CCSER1: variants seen among roughly 807,000 people sequenced by gnomAD.
The protein encoded by CCSER1 is serine-rich coiled-coil domain-containing protein 1.
CCSER1 carries 41 observed loss-of-function variants against 82.0 expected under a neutral mutation model. That is an observed-to-expected ratio of 0.50 (90% confidence interval 0.39 to 0.65). The LOEUF (loss-of-function observed/expected upper bound fraction) is 0.65, where lower values mean the gene tolerates loss of function less well. Ranked by LOEUF, CCSER1 falls within the 30% of genes least tolerant of loss-of-function variation. The probability of loss-of-function intolerance (pLI) is 0.00; values close to 1 mark genes in which losing one functional copy is unlikely to be tolerated. For missense variants in CCSER1, 1,119 were observed against 1,064.2 expected, an observed-to-expected ratio of 1.05 and a Z score of -0.72; for synonymous variants, 414 against 383.9, an observed-to-expected ratio of 1.08 and a Z score of -0.92.
At chr4:91,473,906 A>G (rs1757419813) in intron 10 of CCSER1, among the ~76,000 whole-genome samples, 1 of 152,042 alleles carries the variant, frequency 6.6e-6, no homozygotes, top group Admixed American at 6.6e-5. Context: ...TTTCTTTGTT[A>G]ACCTCAAAGA....
rs1734694609 is a variant in CCSER1, at chr4:91,187,871, TA to T, written c.2217+101881del. On this transcript the variant is annotated intron_variant, in intron 10 of 10. Transcript: ENST00000509176. ...CCCAGCTGAAATTTGGTTATTTTTA[TA>T]AAATTAAAATGAAATTTATCCAAGT... 3.3e-5 allele frequency among the ~76,000 whole-genome samples: 5 copies of T among 152,284 alleles called. No homozygotes were observed. In the South Asian group the frequency reaches 1.0e-3, roughly 32 times the overall value.
intron 10 of CCSER1, among the ~76,000 whole-genome samples, chr4:91,576,704 C>T (rs1476954084): frequency 1.3e-5 from 2 of 151,892 alleles, no homozygotes; most frequent in Non-Finnish European, 2.9e-5. Flanking sequence ...TTTTTATACA[C>T]TTTATACACA....
intron 10 of CCSER1, among the ~76,000 whole-genome samples, chr4:91,587,147 G>A (rs997950148): frequency 9.9e-5 from 15 of 151,660 alleles, no homozygotes; most frequent in Non-Finnish European, 1.3e-4. Context: ...CTATAGAGTT[G>A]ATTTCTTAGA....
At chr4:90,907,854 C>G (rs72665418) in intron 8 of CCSER1, among the ~76,000 whole-genome samples, 35,285 of 151,860 alleles carry the variant, frequency 0.23, 4,828 homozygotes, top group Non-Finnish European at 0.31. Context: ...ATATATGATA[C>G]AAATGCCAGA....
chr4:91,373,709 T>C (rs1331915266), intron 10 of CCSER1, among the ~76,000 whole-genome samples: 1 of 152,174 alleles, frequency 6.6e-6, no homozygotes, highest in Non-Finnish European at 1.5e-5. Flanking sequence ...GTCACAGGTC[T>C]CTCACTTTCA....
At chr4:90,452,757 G>A (rs552665917) in intron 4 of CCSER1, among the ~76,000 whole-genome samples, 5 of 152,296 alleles carry the variant, frequency 3.3e-5, no homozygotes, top group East Asian at 1.9e-4. Flanking sequence ...GTATTTCACC[G>A]TGCCATGTAT....
chr4:90,155,215 T>A (rs1005511437), intron 1 of CCSER1, among the ~76,000 whole-genome samples: 14 of 152,316 alleles, frequency 9.2e-5, no homozygotes, highest in African/African-American at 3.4e-4. Context: ...CATCCTTGCA[T>A]CCCAGGGATG....
rs114112929 is a variant in CCSER1, at chr4:91,061,919, G to A, written c.2173-24031G>A. Among the ~76,000 whole-genome samples, 269 of 151,970 alleles carry A rather than the reference G, an allele frequency of 1.8e-3. 1 individual carries two copies. The highest frequency in any genetic ancestry group is 6.3e-3 in the African/African-American group (261 of 41,440). ...ATGTAATTAGTTTCATATGGAAGTT[G>A]GTATTTAGGTGGGGTGGTAACTCCA... On this transcript the variant is annotated intron_variant, in intron 9 of 10. Transcript: ENST00000509176.
rs1722020814 is a variant in CCSER1 at position 90,127,751 on chromosome 4, A to C, written c.-122A>C. 6.5e-6 allele frequency: 1 copy of C among 153,358 alleles called. No individual in the cohort carries two copies. Among genetic ancestry groups the C allele is most frequent in the African/African-American group, 2.4e-5 (1 of 41,484 alleles). 9.5% of individuals were successfully genotyped at this position (153,358 alleles called of 1,614,324 possible). A position where few individuals can be genotyped will look rare whatever the true frequency, so the allele number is the denominator to read the frequency against. ...GGAGGGAGGGCAGAGGAGGGGGACC[A>C]GGAAGGACACCCCCGTGCCCCGAAG... On this transcript the variant is annotated 5_prime_UTR_variant, in exon 1 of 11. Transcript: ENST00000509176.
chr4:90,859,938 T>A (rs538914892), intron 8 of CCSER1, among the ~76,000 whole-genome samples: 1 of 151,718 alleles, frequency 6.6e-6, no homozygotes, highest in African/African-American at 2.4e-5. Flanking sequence ...TTTAAAAATT[T>A]GATATAATTT....
intron 5 of CCSER1, among the ~76,000 whole-genome samples, chr4:90,487,538 T>C (rs760554746): frequency 3.3e-5 from 5 of 152,240 alleles, no homozygotes; most frequent in African/African-American, 7.2e-5. Context: ...GTTCCCCTTA[T>C]GCATGGGTGC....
intron 5 of CCSER1, among the ~76,000 whole-genome samples, chr4:90,625,939 G>A (rs1233890605): frequency 1.3e-5 from 2 of 152,142 alleles, no homozygotes; most frequent in Non-Finnish European, 2.9e-5. Context: ...GAAATACAGT[G>A]TTAGAACTTC....
chr4:91,091,649 G>A (rs977174347), intron 10 of CCSER1, among the ~76,000 whole-genome samples: 1 of 152,182 alleles, frequency 6.6e-6, no homozygotes, highest in Non-Finnish European at 1.5e-5. Flanking sequence ...GGGTTACTTT[G>A]CAGGGATTGT....
At chr4:90,844,950 ATATG>A (rs1202886299) in intron 8 of CCSER1, among the ~76,000 whole-genome samples, 2 of 152,224 alleles carry the variant, frequency 1.3e-5, no homozygotes, top group East Asian at 1.9e-4. Context: ...GGTATAGACA[ATATG>A]TAAATGAATT....
chr4:91,450,808 A>G (rs1326908691), intron 10 of CCSER1, among the ~76,000 whole-genome samples: 2 of 152,004 alleles, frequency 1.3e-5, no homozygotes, highest in Admixed American at 1.3e-4. Flanking sequence ...TCAATGCTAA[A>G]AAAATGTCAT....
chr4:90,430,830 G>T (rs1452755561), intron 4 of CCSER1, among the ~76,000 whole-genome samples: 1 of 151,904 alleles, frequency 6.6e-6, no homozygotes, highest in Non-Finnish European at 1.5e-5. Context: ...TATATTTATG[G>T]ACTGTTAACT....
chr4:90,433,214 C>G (rs1309622503), intron 4 of CCSER1, among the ~76,000 whole-genome samples: 1 of 152,160 alleles, frequency 6.6e-6, no homozygotes, highest in African/African-American at 2.4e-5. Context: ...ACATTTTGCT[C>G]TTTCCATTAT....
intron 10 of CCSER1, among the ~76,000 whole-genome samples, chr4:91,277,047 T>G (rs62312006): frequency 6.9e-4 from 105 of 152,172 alleles, no homozygotes; most frequent in Non-Finnish European, 1.3e-3. Flanking sequence ...CTCTTAGATT[T>G]GATTTGCTGG....
chr4:90,623,243 C>A (rs1176894772), intron 5 of CCSER1, among the ~76,000 whole-genome samples: 1 of 151,832 alleles, frequency 6.6e-6, no homozygotes. Context: ...AGCGTGTTAA[C>A]CTGGATGGTC....
Sources: gnomAD v4.1 joint callset for allele counts (sites outside exome capture counted in the v4.1 genomes callset) on GRCh38, gnomAD v4.1.1 for gene constraint, MANE v1.5 for transcripts, NCBI Gene and HGNC (gene_info 2026-07-23, HGNC 2026-07-21) for gene names.